The following C8orf34 variants were observed in gnomAD, a reference collection of about 807,000 sequenced individuals.
The protein encoded by C8orf34 is chromosome 8 open reading frame 34, also known as uncharacterized protein C8orf34.
In C8orf34, 65 loss-of-function variants were observed where a neutral mutation model predicts 68.3. The ratio of observed to expected loss-of-function variants is 0.95; its 90% CI spans 0.78 to 1.17. The LOEUF (loss-of-function observed/expected upper bound fraction) is 1.17, where lower values mean the gene tolerates loss of function less well. Ranked by LOEUF, C8orf34 falls within the 50% of genes most tolerant of loss-of-function variation. The probability of loss-of-function intolerance (pLI) is 0.00; values close to 1 mark genes in which losing one functional copy is unlikely to be tolerated. For missense variants in C8orf34, 664 were observed against 655.4 expected, an observed-to-expected ratio of 1.01 and a Z score of -0.14; for synonymous variants, 244 against 241.2, an observed-to-expected ratio of 1.01 and a Z score of -0.11.
chr8:68,605,484 T>G (rs1817827761), intron 7 of C8orf34, among the ~76,000 whole-genome samples: 1 of 150,736 alleles, frequency 6.6e-6, no homozygotes, highest in Non-Finnish European at 1.5e-5. Context: ...GGTTAATGGA[T>G]AAATAAATTA....
intron 8 of C8orf34, among the ~76,000 whole-genome samples, chr8:68,663,204 A>T (rs138776449): frequency 5.3e-5 from 8 of 152,270 alleles, no homozygotes; most frequent in Non-Finnish European, 1.2e-4. Context: ...TTTTCCTTAC[A>T]TCCTTATTTT....
intron 9 of C8orf34, among the ~76,000 whole-genome samples, chr8:68,711,199 A>G (rs1040417873): frequency 5.9e-5 from 9 of 152,156 alleles, no homozygotes; most frequent in Admixed American, 1.3e-4. Context: ...TCCTTCTAAC[A>G]TAGTCTGCGC....
chr8:68,341,715 A>T (rs1806077548), intron 1 of C8orf34, among the ~76,000 whole-genome samples: 1 of 152,096 alleles, frequency 6.6e-6, no homozygotes, highest in South Asian at 2.1e-4. Flanking sequence ...GCCATGAAAC[A>T]TGCCTGCTCC....
chr8:68,407,993 G>A (rs12547748), intron 1 of C8orf34, among the ~76,000 whole-genome samples: 7,686 of 152,100 alleles, frequency 0.051, 352 homozygotes, highest in African/African-American at 0.12. Context: ...ACTGTTACAG[G>A]TCCATGACCT....
In C8orf34 at chr8:68,803,066, T is replaced by C. The variant is rs191104788; in HGVS notation, c.1550-12820T>C. Among the ~76,000 whole-genome samples, 501 of 152,162 alleles carry C rather than the reference T, an allele frequency of 3.3e-3. 1 individual carries two copies. The highest frequency in any genetic ancestry group is 4.8e-3 in the South Asian group (23 of 4,818). ...TCAGGCCCATATGGGGCCTGAATTC[T>C]TTTAAACTTTTAAGAAATAATTCTA... is the stretch of plus-strand genomic sequence containing the variant. On this transcript the variant is annotated intron_variant, in intron 12 of 13. Transcript: ENST00000518698.
chr8:68,672,044 G>A (rs1820028572), intron 8 of C8orf34, among the ~76,000 whole-genome samples: 1 of 152,186 alleles, frequency 6.6e-6, no homozygotes, highest in Admixed American at 6.5e-5. Context: ...AACCATATAT[G>A]TATAAAATAT....
chr8:68,508,592 A>C (rs922366555), intron 5 of C8orf34, among the ~76,000 whole-genome samples: 7 of 152,146 alleles, frequency 4.6e-5, no homozygotes, highest in Admixed American at 4.6e-4. Context: ...GGATGAGCTC[A>C]ACAGGTCTCA....
intron 7 of C8orf34, among the ~76,000 whole-genome samples, chr8:68,634,987 C>T (rs940473153): frequency 1.3e-5 from 2 of 152,076 alleles, no homozygotes; most frequent in Non-Finnish European, 2.9e-5. Flanking sequence ...GCTTCTGACT[C>T]TAGGGTTCTC....
chr8:68,617,627 G>T (rs982909289), intron 7 of C8orf34, among the ~76,000 whole-genome samples: 1 of 152,172 alleles, frequency 6.6e-6, no homozygotes, highest in Non-Finnish European at 1.5e-5. Context: ...CTCTGTTCTG[G>T]CTTGTAGAGT....
chr8:68,463,359 G>C (rs991257555), intron 3 of C8orf34, among the ~76,000 whole-genome samples: 1 of 151,974 alleles, frequency 6.6e-6, no homozygotes, highest in Non-Finnish European at 1.5e-5. Context: ...TTCTACCAGA[G>C]GTACAAGGAG....
At chr8:68,790,102 A>G (rs1823950611) in intron 12 of C8orf34, among the ~76,000 whole-genome samples, 1 of 152,216 alleles carries the variant, frequency 6.6e-6, no homozygotes, top group Admixed American at 6.5e-5. Context: ...AGAGATGCAA[A>G]TAAGAGTAGC....
At chr8:68,393,985 G>T (rs1362779620) in intron 1 of C8orf34, among the ~76,000 whole-genome samples, 4 of 152,118 alleles carry the variant, frequency 2.6e-5, no homozygotes, top group Non-Finnish European at 5.9e-5. Flanking sequence ...ATAATGAAAT[G>T]TTACCAGTAA....
chr8:68,508,776 A>G (rs1814133665), intron 5 of C8orf34, among the ~76,000 whole-genome samples: 2 of 152,230 alleles, frequency 1.3e-5, no homozygotes, highest in Admixed American at 6.5e-5. Flanking sequence ...GAGCAAGTCA[A>G]AAAATGCAAG....
At chr8:68,812,914 G>C (rs1336523204) in intron 12 of C8orf34, among the ~76,000 whole-genome samples, 2 of 152,126 alleles carry the variant, frequency 1.3e-5, no homozygotes, top group Admixed American at 1.3e-4. Flanking sequence ...TAGAAAACAG[G>C]ATGTGTTTAA....
intron 8 of C8orf34, among the ~76,000 whole-genome samples, chr8:68,692,170 C>G (rs1007090371): frequency 1.3e-5 from 2 of 152,020 alleles, no homozygotes; most frequent in African/African-American, 4.8e-5. Flanking sequence ...TCTGGAATGG[C>G]TGAATGGACA....
At chr8:68,706,592 A>G (rs1230360874) in intron 8 of C8orf34, among the ~76,000 whole-genome samples, 1 of 152,218 alleles carries the variant, frequency 6.6e-6, no homozygotes, top group Non-Finnish European at 1.5e-5. Flanking sequence ...GGAGACCAGA[A>G]CACTGGACTT....
At chr8:68,395,137 T>C (rs1426317275) in intron 1 of C8orf34, among the ~76,000 whole-genome samples, 3 of 152,206 alleles carry the variant, frequency 2.0e-5, no homozygotes. Flanking sequence ...AAGTATTTTT[T>C]TTAAACAACT....
intron 4 of C8orf34, among the ~76,000 whole-genome samples, chr8:68,470,174 A>C (rs914248605): frequency 6.6e-6 from 1 of 152,022 alleles, no homozygotes; most frequent in African/African-American, 2.4e-5. Flanking sequence ...TTATGATTAT[A>C]TTATGTTTAT....
intron 3 of C8orf34, among the ~76,000 whole-genome samples, chr8:68,462,666 C>A (rs1208827389): frequency 1.3e-5 from 2 of 152,082 alleles, no homozygotes. Flanking sequence ...TACATGGAAA[C>A]TGAACAACCT....
Sources: allele counts gnomAD v4.1 joint callset (sites outside exome capture counted in the v4.1 genomes callset), GRCh38; gene constraint gnomAD v4.1.1; transcripts MANE v1.5; gene names NCBI Gene and HGNC (gene_info 2026-07-23, HGNC 2026-07-21).